NEBL: variants seen among roughly 807,000 people sequenced by gnomAD.
NEBL encodes nebulette.
NEBL carries 122 observed loss-of-function variants against 140.2 expected under a neutral mutation model. The observed-to-expected ratio is 0.87, with a 90% CI of 0.75 to 1.01. The LOEUF is 1.01. Among genes scored for constraint, NEBL ranks in the 50% least tolerant of loss-of-function variants. The pLI is 0.00. For synonymous variants in NEBL, 436 were observed against 398.9 expected (o/e 1.09, Z -1.11); for missense variants, 1,365 against 1,231.3 (o/e 1.11, Z -1.62).
At chr10:20,937,604 G>A (rs1024104391) in intron 4 of NEBL, among the ~76,000 whole-genome samples, 4 of 152,140 alleles carry the variant, frequency 2.6e-5, no homozygotes, top group Non-Finnish European at 5.9e-5. Context: ...AGGACAGTGG[G>A]TGCAGTGCAC....
chr10:21,290,617 A>T (rs1325826280), intron 1 of NEBL, among the ~76,000 whole-genome samples: 1 of 152,192 alleles, frequency 6.6e-6, no homozygotes, highest in Non-Finnish European at 1.5e-5. Flanking sequence ...TTTGAGGGTA[A>T]CTCCAAAAGA....
intron 2 of NEBL, among the ~76,000 whole-genome samples, chr10:21,034,430 A>G (rs1833933891): frequency 6.6e-6 from 1 of 152,200 alleles, no homozygotes; most frequent in Non-Finnish European, 1.5e-5. Context: ...CTCTCAGCAG[A>G]GTCCAGAAAA....
chr10:20,856,982 C>A (rs1189564632), intron 9 of NEBL, among the ~76,000 whole-genome samples: 1 of 152,098 alleles, frequency 6.6e-6, no homozygotes, highest in Non-Finnish European at 1.5e-5. Context: ...ATGCCCACCA[C>A]CACGCCTAGC....
At chr10:20,813,130 T>A (rs2130789698) in intron 23 of NEBL, among the ~76,000 whole-genome samples, 190 bp from the exon 24 acceptor site, 1 of 151,954 alleles carries the variant, frequency 6.6e-6, no homozygotes, top group South Asian at 2.1e-4. Flanking sequence ...GTGCTGATAT[T>A]TTCACAAAGT....
intron 24 of NEBL, 52 bp from the exon 25 acceptor site, chr10:20,809,950 G>GA (rs200571909): frequency 0.13 from 86,164 of 667,734 alleles, 475 homozygotes; most frequent in Non-Finnish European, 0.14. Flanking sequence ...TTTAAAAAAG[G>GA]AAAAAAAAAA....
At chr10:20,965,202 T>C (rs1836247074) in intron 3 of NEBL, among the ~76,000 whole-genome samples, 1 of 152,204 alleles carries the variant, frequency 6.6e-6, no homozygotes, top group Non-Finnish European at 1.5e-5. Flanking sequence ...AAGTCAATGG[T>C]CCCTGCCTTC....
At chr10:20,900,844 C>CG (rs1847837834), upstream of NEBL, among the ~76,000 whole-genome samples, 2 of 65,040 alleles carry the variant, frequency 3.1e-5, no homozygotes, top group South Asian at 1.2e-3. Flanking sequence ...GACTCCATCC[C>CG]GAAAAAAAAA....
At chr10:21,026,038 C>T (rs538826725) in intron 2 of NEBL, among the ~76,000 whole-genome samples, 1 of 152,150 alleles carries the variant, frequency 6.6e-6, no homozygotes, top group African/African-American at 2.4e-5. Context: ...ATAAAATATT[C>T]CTGGTTCTCT....
At chr10:21,100,937 T>C (rs1464652154) in intron 2 of NEBL, among the ~76,000 whole-genome samples, 3 of 152,222 alleles carry the variant, frequency 2.0e-5, no homozygotes, top group Non-Finnish European at 4.4e-5. Context: ...TTTCTTTGTT[T>C]GTTTTAATCG....
chr10:21,275,941 G>A (rs1842917859), intron 1 of NEBL, among the ~76,000 whole-genome samples: 1 of 149,222 alleles, frequency 6.7e-6, no homozygotes, highest in South Asian at 2.1e-4. Flanking sequence ...TGGGATTACA[G>A]GAGTGAGCCA....
At chr10:20,885,023 T>C (rs537201378) in intron 4 of NEBL, among the ~76,000 whole-genome samples, 1 of 152,364 alleles carries the variant, frequency 6.6e-6, no homozygotes, top group East Asian at 1.9e-4. Context: ...ATCATTCTAG[T>C]TTGAATTTAA....
intron 2 of NEBL, chr10:21,113,347 G>C: frequency 2.8e-6 from 1 of 351,212 alleles, no homozygotes; most frequent in Non-Finnish European, 5.2e-6. Flanking sequence ...ACCTAATTCT[G>C]TAGAAGACAT....
intron 10 of NEBL, among the ~76,000 whole-genome samples, chr10:20,852,071 AG>A (rs2131069094): frequency 6.6e-6 from 1 of 152,246 alleles, no homozygotes; most frequent in East Asian, 1.9e-4. Flanking sequence ...AAGTTTATTC[AG>A]GGGGTACCTA....
At chr10:20,996,414 C>T (rs1212632389) in intron 3 of NEBL, among the ~76,000 whole-genome samples, 1 of 152,210 alleles carries the variant, frequency 6.6e-6, no homozygotes, top group Admixed American at 6.5e-5. Context: ...ATCCTGAAGA[C>T]AGTGATTGTG....
intron 7 of NEBL, chr10:20,868,416 A>T (rs1844544768): frequency 2.1e-6 from 1 of 479,480 alleles, no homozygotes; most frequent in African/African-American, 2.0e-5. Context: ...ACATGGCTAG[A>T]GACATTGAAA....
intron 2 of NEBL, among the ~76,000 whole-genome samples, chr10:21,148,340 C>G (rs574891502): frequency 2.6e-5 from 4 of 152,172 alleles, no homozygotes; most frequent in Admixed American, 6.5e-5. Flanking sequence ...CAATAAGTAT[C>G]TCTTCTGTTA....
chr10:21,008,735 T>C (rs115639800), intron 3 of NEBL, among the ~76,000 whole-genome samples: 1 of 152,178 alleles, frequency 6.6e-6, no homozygotes, highest in African/African-American at 2.4e-5. Flanking sequence ...GCCTAATTTA[T>C]AAATTAAGCT....
At position 20,985,857 on chromosome 10, in the gene NEBL, T is replaced by C. The variant is rs554001580; in HGVS notation, c.250-24078A>G. Among the ~76,000 whole-genome samples, 237 of 152,292 alleles carry C rather than the reference T, an allele frequency of 1.6e-3. 1 individual carries two copies. The highest frequency in any genetic ancestry group is 2.9e-3 in the South Asian group (14 of 4,826). ...AAGGACCAGCAGGAAAATAAAAATG[T>C]TGATGCATTAGATTCTTAGAGAATG... On this transcript the variant is annotated intron_variant, in intron 3 of 6. Coordinates refer to the NEBL transcript ENST00000417816.
chr10:21,201,899 A>G (rs536080624), intron 3 of NEBL, among the ~76,000 whole-genome samples: 2 of 152,128 alleles, frequency 1.3e-5, no homozygotes, highest in East Asian at 3.9e-4. Flanking sequence ...GGGAAAATAA[A>G]CTCTATCAGA....
Sources: gnomAD v4.1 joint callset for allele counts (sites outside exome capture counted in the v4.1 genomes callset) on GRCh38, gnomAD v4.1.1 for gene constraint, MANE v1.5 for transcripts, NCBI Gene and HGNC (gene_info 2026-07-23, HGNC 2026-07-21) for gene names.